The following AFAP1L2 variants were observed in gnomAD, a reference collection of about 807,000 sequenced individuals.
AFAP1L2 encodes actin filament-associated protein 1-like 2.
A neutral mutation model predicts 99.3 loss-of-function variants in AFAP1L2; 46 were observed. The ratio of observed to expected loss-of-function variants is 0.46; its 90% CI spans 0.37 to 0.59. The LOEUF (loss-of-function observed/expected upper bound fraction) is 0.59, where lower values mean the gene tolerates loss of function less well. Among genes scored for constraint, AFAP1L2 ranks in the 20% least tolerant of loss-of-function variants. AFAP1L2 has a pLI of 0.00. For synonymous variants in AFAP1L2, 397 were observed against 419.1 expected (o/e 0.95, Z 0.64); for missense variants, 959 against 1,034.9 (o/e 0.93, Z 1.01).
Position 114,302,356 on chromosome 10 carries a change from C to T in AFAP1L2, c.1413G>A (p.Ala471=), listed in dbSNP as rs62641710. 3.0e-5 allele frequency: 48 copies of T among 1,613,934 alleles called. No homozygotes were observed. Among genetic ancestry groups the T allele is most frequent in the African/African-American group, 5.3e-5 (4 of 74,880 alleles). Residue 471 remains alanine (A), a synonymous_variant, in exon 12 of 19, where the codon GCG becomes GCA. Coordinates refer to ENST00000304129, the MANE Select transcript of AFAP1L2 (RefSeq NM_001001936.3). ...TTACTCACAAGAGAGAGTTTTTGGC[C>T]GCACTCACAATACAGGAGACCCTAT... ...DADRVSCIVS[A]AKNSLLLMQR...
chr10:114,399,847 C>T (rs2058074091), intron 1 of AFAP1L2, among the ~76,000 whole-genome samples: 1 of 152,204 alleles, frequency 6.6e-6, no homozygotes, highest in South Asian at 2.1e-4. Flanking sequence ...CCTCTCCTCC[C>T]CAAGACACAT....
At chr10:114,396,144 A>C (rs1432140598) in intron 1 of AFAP1L2, among the ~76,000 whole-genome samples, 1 of 152,142 alleles carries the variant, frequency 6.6e-6, no homozygotes, top group Non-Finnish European at 1.5e-5. Flanking sequence ...TTCATGGTTG[A>C]ACATGACCTC....
At chr10:114,318,445 A>AG (rs1425599966) in intron 5 of AFAP1L2, among the ~76,000 whole-genome samples, 3 of 152,126 alleles carry the variant, frequency 2.0e-5, no homozygotes, top group Admixed American at 6.5e-5. Flanking sequence ...AAAAACATTG[A>AG]GAAAAAAAAG....
the AFAP1L2 span, among the ~76,000 whole-genome samples, chr10:114,283,360 G>C: frequency 1.6e-4 from 24 of 151,748 alleles, no homozygotes; most frequent in South Asian, 5.0e-3. Context: ...GTAGCGAGCA[G>C]TTAGACACAC....
At chr10:114,286,078 G>C in the AFAP1L2 span, 1 of 1,614,140 alleles carries the variant, frequency 6.2e-7, no homozygotes, top group Non-Finnish European at 8.5e-7. Context: ...AGGACTCTCG[G>C]GCCCGAGTGG....
At chr10:114,351,995 G>A (rs1341481367) in intron 1 of AFAP1L2, among the ~76,000 whole-genome samples, 1 of 152,152 alleles carries the variant, frequency 6.6e-6, no homozygotes, top group Non-Finnish European at 1.5e-5. Context: ...GCTAATAATT[G>A]TACCTAGGGA....
At chr10:114,296,910 C>T (rs770316983) in intron 18 of AFAP1L2, 68 bp downstream of exon 18, 4 of 1,611,998 alleles carry the variant, frequency 2.5e-6, no homozygotes, top group Non-Finnish European at 3.4e-6. Flanking sequence ...CCACCTGGGT[C>T]AGAAGATGGG....
At position 114,300,243 on chromosome 10, in the gene AFAP1L2, T is replaced by G. The variant is rs759962021; in HGVS notation, c.1908A>C (p.Pro636=). The G allele has an allele frequency of 1.2e-6, 2 of 1,614,050 alleles. No homozygotes were observed. Among genetic ancestry groups the G allele is most frequent in the Non-Finnish European group, 1.7e-6 (2 of 1,180,018 alleles). Residue 636 remains proline, a synonymous_variant, in exon 15 of 19, where the codon CCA becomes CCC. Coordinates refer to ENST00000304129, the MANE Select transcript of AFAP1L2 (RefSeq NM_001001936.3). The part of the protein sequence containing the change: ...PSCPDAVVAT[P]PGASPPVKDR... Reference sequence around the variant, plus strand: ...CCTTCACAGGTGGGCTGGCACCAGGTGGGGTGGCCACCACGGCATCCGGGC... The same window carrying G: ...CCTTCACAGGTGGGCTGGCACCAGGGGGGGTGGCCACCACGGCATCCGGGC...
At chr10:114,353,774 A>T (rs1382362773) in intron 1 of AFAP1L2, among the ~76,000 whole-genome samples, 3 of 152,230 alleles carry the variant, frequency 2.0e-5, no homozygotes, top group Non-Finnish European at 4.4e-5. Flanking sequence ...TAATGTCACC[A>T]AGTCCTGGGG....
intron 2 of AFAP1L2, among the ~76,000 whole-genome samples, chr10:114,336,804 C>T (rs149911029): frequency 6.6e-6 from 1 of 152,206 alleles, no homozygotes; most frequent in Non-Finnish European, 1.5e-5. Flanking sequence ...ATAAACAGAT[C>T]TTAGTCTATG....
downstream of AFAP1L2, chr10:114,290,437 C>T (rs1400390626): frequency 1.3e-6 from 2 of 1,528,704 alleles, no homozygotes; most frequent in African/African-American, 2.8e-5. Flanking sequence ...CCCACAAACT[C>T]AGCTGAAGGC....
rs2054514220 is a variant in AFAP1L2, at chr10:114,374,247, A to G, written c.16+30193T>C. Among the ~76,000 whole-genome samples, 6 of 152,272 alleles carry G rather than the reference A, an allele frequency of 3.9e-5. No individual in the cohort carries two copies. In the South Asian group the frequency reaches 1.2e-3, roughly 32 times the overall value. ...ATCCCAGCTAAAATTACAGATTTGA[A>G]ACGCCTGCACATTATCATTGGATTT... On this transcript the variant is annotated intron_variant, in intron 1 of 18. Coordinates refer to ENST00000304129, the MANE Select transcript of AFAP1L2 (RefSeq NM_001001936.3).
chr10:114,371,380 C>A (rs1200776880), intron 1 of AFAP1L2, among the ~76,000 whole-genome samples: 4 of 152,132 alleles, frequency 2.6e-5, no homozygotes, highest in African/African-American at 9.7e-5. Context: ...GGAAGGAAAG[C>A]CTTTGAGGTG....
chr10:114,341,688 C>T (rs1020450779), intron 1 of AFAP1L2, among the ~76,000 whole-genome samples: 15 of 152,122 alleles, frequency 9.9e-5, no homozygotes, highest in Non-Finnish European at 4.4e-5. Context: ...CCTCCAAAGC[C>T]CTGCAGACTG....
At chr10:114,397,904 G>T (rs933086471) in intron 1 of AFAP1L2, among the ~76,000 whole-genome samples, 7 of 152,164 alleles carry the variant, frequency 4.6e-5, no homozygotes, top group Admixed American at 3.3e-4. Flanking sequence ...GAAGTGAGAA[G>T]AGAACTCAGG....
intron 7 of AFAP1L2, among the ~76,000 whole-genome samples, chr10:114,313,449 A>C (rs1590061983): frequency 6.6e-6 from 1 of 151,836 alleles, no homozygotes; most frequent in Non-Finnish European, 1.5e-5. Flanking sequence ...TTGATCCATC[A>C]CCTCCATCCT....
chr10:114,360,250 A>G (rs887295713), intron 1 of AFAP1L2, among the ~76,000 whole-genome samples: 15 of 152,084 alleles, frequency 9.9e-5, no homozygotes, highest in Non-Finnish European at 2.1e-4. Flanking sequence ...CTGCCTTTGG[A>G]CTAAAAAGTT....
chr10:114,399,618 G>A (rs1324056491), intron 1 of AFAP1L2, among the ~76,000 whole-genome samples: 2 of 152,144 alleles, frequency 1.3e-5, no homozygotes, highest in East Asian at 1.9e-4. Context: ...ATAATGGTCC[G>A]TGTTGCAGAG....
intron 18 of AFAP1L2, 181 bp downstream of exon 18, chr10:114,296,797 T>C: frequency 2.1e-6 from 2 of 945,730 alleles, no homozygotes; most frequent in South Asian, 3.3e-5. Flanking sequence ...ACCTTTCTGG[T>C]TGGTCAGTGC....
Sources: allele counts gnomAD v4.1 joint callset (sites outside exome capture counted in the v4.1 genomes callset), GRCh38; gene constraint gnomAD v4.1.1; transcripts MANE v1.5; gene names NCBI Gene and HGNC (gene_info 2026-07-23, HGNC 2026-07-21).